FARP2: variants seen among roughly 807,000 people sequenced by gnomAD.
FARP2 encodes the protein FERM, ARH/RhoGEF and pleckstrin domain protein 2.
Under a neutral mutation model 130.5 loss-of-function variants are expected in FARP2, and 111 were observed. The ratio of observed to expected loss-of-function variants is 0.85; its 90% CI spans 0.73 to 1.00. The LOEUF (loss-of-function observed/expected upper bound fraction) is 1.00. Among genes scored for constraint, FARP2 ranks in the 50% least tolerant of loss-of-function variants. The pLI, the probability that FARP2 is intolerant of heterozygous loss-of-function variation, is 0.00. For missense variants in FARP2, 1,385 were observed against 1,346.3 expected (o/e 1.03, Z -0.45); for synonymous variants, 504 against 516.9 (o/e 0.98, Z 0.34).
At chr2:241,478,652 G>A in intron 19 of FARP2, 1 of 498,092 alleles carries the variant, frequency 2.0e-6, no homozygotes, top group Admixed American at 2.2e-5. Flanking sequence ...GGAGGAAGGA[G>A]TGTTGGAAAA....
intron 2 of FARP2, among the ~76,000 whole-genome samples, chr2:241,382,034 G>C (rs1559716810): frequency 6.6e-6 from 1 of 152,092 alleles, no homozygotes; most frequent in Non-Finnish European, 1.5e-5. Context: ...ATACTTGTAC[G>C]CTGCAGAAAA....
intron 4 of FARP2, among the ~76,000 whole-genome samples, chr2:241,406,439 C>T (rs1158648979): frequency 6.7e-6 from 1 of 150,182 alleles, no homozygotes; most frequent in Non-Finnish European, 1.5e-5. Context: ...AGAGAGAGAG[C>T]ACGCGCATGT....
chr2:241,425,323 T>G (rs2062905766), intron 8 of FARP2, among the ~76,000 whole-genome samples: 1 of 151,880 alleles, frequency 6.6e-6, no homozygotes, highest in Admixed American at 6.6e-5. Context: ...AAGCAAAAAT[T>G]GATAAATGAG....
At chr2:241,393,178 C>A (rs2061950865) in intron 2 of FARP2, among the ~76,000 whole-genome samples, 1 of 151,830 alleles carries the variant, frequency 6.6e-6, no homozygotes, top group African/African-American at 2.4e-5. Context: ...TGCCACCACA[C>A]CCGGCTAATT....
At chr2:241,458,493 A>T (rs1420546648) in intron 14 of FARP2, among the ~76,000 whole-genome samples, 1 of 152,218 alleles carries the variant, frequency 6.6e-6, no homozygotes, top group Non-Finnish European at 1.5e-5. Context: ...GTCCCCCTGG[A>T]TCCCACTGGA....
Position 241,411,137 on chromosome 2 carries a change from A to G in FARP2, c.508+7A>G. ...ACGTCCCATCTCCTGCAGTGTGAGT[A>G]TCTCCCCGCCAGCGGGGAGCATTCA... On this transcript the variant is annotated splice_region_variant and intron_variant, in intron 6 of 26. Transcript: ENST00000264042. 3 of 1,595,414 alleles carry G rather than the reference A, an allele frequency of 1.9e-6. No homozygotes were observed. The highest frequency in any genetic ancestry group is 2.7e-5 in the African/African-American group (2 of 74,792).
intron 1 of FARP2, among the ~76,000 whole-genome samples, chr2:241,372,192 C>G (rs1559707491): frequency 6.6e-6 from 1 of 151,966 alleles, no homozygotes; most frequent in African/African-American, 2.4e-5. Flanking sequence ...AGGTGTTTGA[C>G]CTTCTTGGGC....
intron 8 of FARP2, among the ~76,000 whole-genome samples, chr2:241,425,281 C>A (rs2062904530): frequency 6.6e-6 from 1 of 152,062 alleles, no homozygotes; most frequent in South Asian, 2.1e-4. Flanking sequence ...GGAAGGATTT[C>A]ATGACGAAAA....
intron 11 of FARP2, 98 bp downstream of exon 11, chr2:241,435,128 C>A: frequency 1.5e-6 from 1 of 665,716 alleles, no homozygotes; most frequent in Non-Finnish European, 2.5e-6. Flanking sequence ...GAGTCTTGCT[C>A]CGTCACCTAA....
chr2:241,493,010 T>C lies in FARP2; in HGVS notation c.2869T>C (p.Cys957Arg), dbSNP rs1275267882. ...GCTCTGGGTCGTCTTTACCAACTTC[T>C]GTTTGTTCTTCTACAAAACTCATCA... is the stretch of plus-strand genomic sequence containing the variant. ...QKLWVVFTNF[C>R]LFFYKTHQDD... The change falls in exon 25 of 27, where the codon TGT becomes CGT. Residue 957 changes from cysteine to arginine, a missense_variant. By Grantham distance (180) the Cys-to-Arg change is radical (BLOSUM62 -3). Coordinates refer to ENST00000264042, the MANE Select transcript of FARP2 (RefSeq NM_014808.4). The C allele has an allele frequency of 6.2e-7, 1 of 1,607,010 alleles. No individual in the cohort carries two copies. Among genetic ancestry groups the C allele is most frequent in the Admixed American group, 1.7e-5 (1 of 60,032 alleles).
At chr2:241,433,151 C>CA (rs540515831) in intron 9 of FARP2, among the ~76,000 whole-genome samples, 147 of 151,958 alleles carry the variant, frequency 9.7e-4, no homozygotes, top group African/African-American at 3.4e-3. Context: ...AAGTTTCCTG[C>CA]AGTTATTCGA....
chr2:241,436,185 A>G (rs2063225804), intron 11 of FARP2, among the ~76,000 whole-genome samples: 1 of 152,090 alleles, frequency 6.6e-6, no homozygotes, highest in Non-Finnish European at 1.5e-5. Flanking sequence ...CTGGGATTAC[A>G]GGTGTGAGCC....
chr2:241,382,837 T>C (rs1448328691), intron 2 of FARP2, among the ~76,000 whole-genome samples: 1 of 152,258 alleles, frequency 6.6e-6, no homozygotes, highest in Non-Finnish European at 1.5e-5. Flanking sequence ...TTAGGATTTT[T>C]ATTCACATTT....
At chr2:241,483,982 G>T in intron 20 of FARP2, 2 of 1,320,060 alleles carry the variant, frequency 1.5e-6, no homozygotes, top group Non-Finnish European at 1.9e-6. Flanking sequence ...GTCAGCACCA[G>T]CCAGAATTCC....
At chr2:241,376,553 A>G (rs571049112) in intron 2 of FARP2, among the ~76,000 whole-genome samples, 3 of 152,216 alleles carry the variant, frequency 2.0e-5, no homozygotes, top group Non-Finnish European at 4.4e-5. Flanking sequence ...TCCACCCTGC[A>G]TAGCCCCACA....
At chr2:241,477,144 T>A (rs991832852) in intron 19 of FARP2, among the ~76,000 whole-genome samples, 16 of 146,802 alleles carry the variant, frequency 1.1e-4, no homozygotes, top group Non-Finnish European at 1.7e-4. Context: ...TTTTTTTTTT[T>A]ATTTGAGACA....
At chr2:241,479,274 C>T (rs1192302801) in intron 19 of FARP2, among the ~76,000 whole-genome samples, 1 of 152,196 alleles carries the variant, frequency 6.6e-6, no homozygotes, top group Non-Finnish European at 1.5e-5. Context: ...CCCACTCAAT[C>T]CCCGAAGATC....
intron 13 of FARP2, chr2:241,446,446 G>A (rs1377128742): frequency 6.6e-6 from 1 of 152,268 alleles, no homozygotes; most frequent in Non-Finnish European, 1.5e-5. Context: ...TTTGGTGTAC[G>A]GGTATGTTCT....
chr2:241,453,851 G>A (rs111482403), intron 13 of FARP2, among the ~76,000 whole-genome samples: 10 of 133,788 alleles, frequency 7.5e-5, no homozygotes, highest in Non-Finnish European at 1.5e-4. Flanking sequence ...TGGTGCAATC[G>A]TGGCTCACTG....
Sources: gnomAD v4.1 joint callset for allele counts (sites outside exome capture counted in the v4.1 genomes callset) on GRCh38, gnomAD v4.1.1 for gene constraint, MANE v1.5 for transcripts, NCBI Gene and HGNC (gene_info 2026-07-23, HGNC 2026-07-21) for gene names.